The following MPP3 variants were observed in gnomAD, a reference collection of about 807,000 sequenced individuals.
MPP3 encodes MAGUK p55 subfamily member 3.
A neutral mutation model predicts 80.7 loss-of-function variants in MPP3; 48 were observed. The observed-to-expected ratio is 0.59, with a 90% CI of 0.47 to 0.76. The LOEUF is 0.76. Ranked by LOEUF, MPP3 falls within the 30% of genes least tolerant of loss-of-function variation. The pLI, the probability that MPP3 is intolerant of heterozygous loss-of-function variation, is 0.00. For missense variants in MPP3, 620 were observed against 763.0 expected, an observed-to-expected ratio of 0.81 and a Z score of 2.21; for synonymous variants, 311 against 297.6, an observed-to-expected ratio of 1.04 and a Z score of -0.46.
intron 12 of MPP3, among the ~76,000 whole-genome samples, chr17:43,817,598 C>T (rs970037038): frequency 2.6e-5 from 4 of 152,198 alleles, no homozygotes; most frequent in Non-Finnish European, 5.9e-5. Context: ...CAAGCTTCAA[C>T]TGGGCATCCT....
At position 43,827,840 on chromosome 17, in the gene MPP3, C is replaced by T. The variant is rs2045787610; in HGVS notation, c.442-8G>A. ...CCGCCGGATGGTGGCACCCTGAACC[C>T]GAGACAGAAGAGACAGGTTCTTAAG... On this transcript the variant is annotated splice_region_variant and splice_polypyrimidine_tract_variant and intron_variant, in intron 7 of 19. Transcript: ENST00000398389. 5 of 1,612,980 alleles carry T rather than the reference C, an allele frequency of 3.1e-6. No individual in the cohort carries two copies. Among genetic ancestry groups the T allele is most frequent in the East Asian group, 2.2e-5 (1 of 44,874 alleles).
intron 12 of MPP3, 138 bp downstream of exon 12, chr17:43,817,908 C>A: frequency 2.4e-6 from 1 of 416,026 alleles, no homozygotes; most frequent in East Asian, 8.8e-5. Context: ...CCCACCCCCT[C>A]CTTCCTCTGG....
intron 5 of MPP3, among the ~76,000 whole-genome samples, chr17:43,830,430 G>C (rs746648533): frequency 2.0e-5 from 3 of 152,212 alleles, no homozygotes; most frequent in Non-Finnish European, 4.4e-5. Flanking sequence ...GAGACTCAAA[G>C]AGATTAAACA....
rs2045147456 is a variant in MPP3, at chr17:43,816,615, GCC to G, written c.967+60_967+61del. The G allele has an allele frequency of 2.7e-6, 4 of 1,483,574 alleles. No homozygotes were observed. The South Asian group carries it at 4.8e-5, about 18-fold the overall frequency. 91.9% of individuals were successfully genotyped at this position (1,483,574 alleles called of 1,614,324 possible). ...TAGGGAAAGAACACGAGCCCCTCAG[GCC>G]CCAGACGTTCCACGGAAAAGGGGCC... is the stretch of plus-strand genomic sequence containing the variant. On this transcript the variant is annotated intron_variant, in intron 13 of 19. Coordinates refer to ENST00000398389, the MANE Select transcript of MPP3 (RefSeq NM_001932.6).
intron 19 of MPP3, among the ~76,000 whole-genome samples, chr17:43,803,458 G>T (rs1289539785): frequency 6.6e-6 from 1 of 152,128 alleles, no homozygotes. Flanking sequence ...TTCAGCAAGA[G>T]TCACAGTCCC....
intron 11 of MPP3, 82 bp from the exon 12 acceptor site, chr17:43,818,192 A>G: frequency 7.7e-7 from 1 of 1,296,518 alleles, no homozygotes; most frequent in Non-Finnish European, 1.0e-6. Flanking sequence ...AAACTTGGGA[A>G]GCCAAGGCCT....
At position 43,801,656 on chromosome 17, in the gene MPP3, G is replaced by C. The variant is rs754439428; in HGVS notation, c.*45C>G. On this transcript the variant is annotated 3_prime_UTR_variant, in exon 20 of 20. Transcript: ENST00000398389. ...TGGTAAAATGAGGGAGTCTGGACTA[G>C]ATGATCTTCAAGGTCCCGTCCAGCT... is the stretch of plus-strand genomic sequence containing the variant. 4 of 1,582,752 alleles carry C rather than the reference G, an allele frequency of 2.5e-6. No individual in the cohort carries two copies. Among genetic ancestry groups the C allele is most frequent in the Non-Finnish European group, 2.6e-6 (3 of 1,152,906 alleles).
intron 18 of MPP3, among the ~76,000 whole-genome samples, chr17:43,809,972 G>T (rs2044777778): frequency 6.6e-6 from 1 of 152,172 alleles, no homozygotes; most frequent in South Asian, 2.1e-4. Flanking sequence ...ACTGCTATAT[G>T]CATTATCTGC....
intron 16 of MPP3, 143 bp downstream of exon 16, chr17:43,813,868 G>A (rs2154591250): frequency 2.9e-6 from 2 of 701,400 alleles, no homozygotes; most frequent in Admixed American, 2.6e-5. Context: ...TCATGCCTTT[G>A]TCCCACAATT....
At chr17:43,832,964 CG>C (rs1335822369) in intron 1 of MPP3, 136 bp downstream of exon 1, 1 of 149,210 alleles carries the variant, frequency 6.7e-6, no homozygotes, top group East Asian at 2.0e-4. Flanking sequence ...GGCCGAGGGG[CG>C]GGGTTGAGAC....
At chr17:43,814,169 C>T in intron 15 of MPP3, 28 bp downstream of exon 15, 1 of 1,609,910 alleles carries the variant, frequency 6.2e-7, no homozygotes, top group Non-Finnish European at 8.5e-7. Context: ...AACCAGATCA[C>T]TTCCTGGAAA....
At chr17:43,817,857 A>C in intron 12 of MPP3, 189 bp downstream of exon 12, 1 of 448,986 alleles carries the variant, frequency 2.2e-6, no homozygotes, top group Non-Finnish European at 4.0e-6. Flanking sequence ...CCAAATATAC[A>C]AGCTCCTCTC....
At chr17:43,808,431 G>T (rs561220148) in intron 19 of MPP3, among the ~76,000 whole-genome samples, 1 of 152,218 alleles carries the variant, frequency 6.6e-6, no homozygotes, top group East Asian at 1.9e-4. Flanking sequence ...TCGCCATCCT[G>T]ACATAGACTG....
Position 43,814,301 on chromosome 17 carries a change from C to G in MPP3, c.1070G>C (p.Gly357Ala), listed in dbSNP as rs748338649. ...CRERLGGSQE[G>A]KMSSGAESPE... ...AGACTCAGCTCCGGAGGACATCTTT[C>G]CTTCCTGCGAGCCACCCAGTCTCTC... The change falls in exon 15 of 20, where the codon GGA becomes GCA. Residue 357 changes from glycine (G) to alanine (A), a missense_variant. Gly to Ala is a moderately conservative substitution (Grantham distance 60). Coordinates refer to ENST00000398389, the MANE Select transcript of MPP3 (RefSeq NM_001932.6). The G allele has an allele frequency of 2.7e-5, 43 of 1,612,100 alleles. No individual in the cohort carries two copies. The highest frequency in any genetic ancestry group is 3.6e-5 in the Non-Finnish European group (43 of 1,179,978).
intron 18 of MPP3, among the ~76,000 whole-genome samples, chr17:43,809,608 G>A (rs1002770672): frequency 3.3e-5 from 5 of 152,240 alleles, no homozygotes; most frequent in African/African-American, 1.2e-4. Flanking sequence ...GGCCAGGTGC[G>A]GTGGCTCACA....
At chr17:43,812,070 G>A (rs1396518630) in intron 16 of MPP3, among the ~76,000 whole-genome samples, 10 of 152,180 alleles carry the variant, frequency 6.6e-5, no homozygotes, top group African/African-American at 1.7e-4. Flanking sequence ...AAGACAGACC[G>A]TCCCTATATA....
chr17:43,821,015 C>T lies in MPP3; in HGVS notation c.728G>A (p.Arg243Gln), dbSNP rs555649430. The T allele has an allele frequency of 3.1e-5, 50 of 1,614,034 alleles. No homozygotes were observed. The highest frequency in any genetic ancestry group is 3.6e-5 in the Non-Finnish European group (43 of 1,179,974). Residue 243 changes from arginine to glutamine, a missense_variant, in exon 11 of 20, where the codon CGG (arginine) becomes CAG (glutamine). Coordinates refer to ENST00000398389, the MANE Select transcript of MPP3 (RefSeq NM_001932.6). ...ALFHYNPREDRAIPCQEAGLP... is the reference protein window; with the variant it reads ...ALFHYNPREDQAIPCQEAGLP... ...GCCCGCCTCCTGGCAAGGGATGGCC[C>T]GGTCCTCCCGAGGGTTGTAGTGGAA...
At chr17:43,822,441 T>C (rs999503998) in intron 10 of MPP3, among the ~76,000 whole-genome samples, 1 of 152,064 alleles carries the variant, frequency 6.6e-6, no homozygotes, top group Non-Finnish European at 1.5e-5. Flanking sequence ...TGTAATTCAT[T>C]ATGCTCTCCT....
At chr17:43,821,210 T>C (rs1223147261) in intron 10 of MPP3, 152 bp from the exon 11 acceptor site, 6 of 683,628 alleles carry the variant, frequency 8.8e-6, no homozygotes, top group Non-Finnish European at 1.5e-5. Context: ...ACACTGCACG[T>C]ATGTTCTTAA....
Sources: allele counts gnomAD v4.1 joint callset (sites outside exome capture counted in the v4.1 genomes callset), GRCh38; gene constraint gnomAD v4.1.1; transcripts MANE v1.5; gene names NCBI Gene and HGNC (gene_info 2026-07-23, HGNC 2026-07-21).